THRAP3: variants seen among roughly 807,000 people sequenced by gnomAD.
THRAP3 encodes thyroid hormone receptor-associated protein 3.
A neutral mutation model predicts 101.0 loss-of-function variants in THRAP3; 16 were observed. The ratio of observed to expected loss-of-function variants is 0.16; its 90% CI spans 0.11 to 0.24. The LOEUF (loss-of-function observed/expected upper bound fraction) is 0.24. Among genes scored for constraint, THRAP3 ranks in the 10% least tolerant of loss-of-function variants. The pLI is 1.00. For missense variants in THRAP3, 989 were observed against 1,202.7 expected, an observed-to-expected ratio of 0.82 and a Z score of 2.63; for synonymous variants, 407 against 422.6, an observed-to-expected ratio of 0.96 and a Z score of 0.45.
chr1:36,220,972 A>AAAAAATATATATATATATAT (rs1285765741), upstream of THRAP3, among the ~76,000 whole-genome samples: 1 of 94,146 alleles, frequency 1.1e-5, no homozygotes, highest in African/African-American at 4.7e-5. Flanking sequence ...AAAAAAAAAA[A>AAAAAATATATATATATATAT]ATATATATAT....
intron 1 of THRAP3, among the ~76,000 whole-genome samples, chr1:36,235,078 T>G (rs1043425321): frequency 6.6e-6 from 1 of 152,190 alleles, no homozygotes; most frequent in Admixed American, 6.5e-5. Context: ...CCTCCCAAAG[T>G]TCTGGGATTA....
At chr1:36,210,746 A>ATCATATATATATATCATATATATGAT in the THRAP3 span, among the ~76,000 whole-genome samples, 1 of 98,852 alleles carries the variant, frequency 1.0e-5, no homozygotes, top group African/African-American at 3.9e-5. Flanking sequence ...TCATATATAT[A>ATCATATATATATATCATATATATGAT]AAGTGTCAGC....
intron 2 of THRAP3, among the ~76,000 whole-genome samples, chr1:36,274,080 A>AGT (rs1480341700): frequency 0.12 from 264 of 2,136 alleles, no homozygotes; most frequent in African/African-American, 0.19. Context: ...TGTGTGTCAC[A>AGT]CACACACACA....
intron 3 of THRAP3, among the ~76,000 whole-genome samples, chr1:36,284,323 T>A (rs1351248177): frequency 2.0e-5 from 3 of 152,198 alleles, no homozygotes; most frequent in African/African-American, 7.2e-5. Flanking sequence ...TAGAGACACT[T>A]TACATGCTAT....
At chr1:36,242,586 G>A (rs1645175085) in intron 1 of THRAP3, among the ~76,000 whole-genome samples, 1 of 151,718 alleles carries the variant, frequency 6.6e-6, no homozygotes, top group Non-Finnish European at 1.5e-5. Context: ...CTAAGTAGCT[G>A]GGACTACAGG....
intron 1 of THRAP3, among the ~76,000 whole-genome samples, chr1:36,231,612 A>G (rs908881605): frequency 6.6e-5 from 10 of 151,702 alleles, no homozygotes. Context: ...TTTTGTGTGT[A>G]TGTGAGGTTA....
rs1645832051 is a variant in THRAP3 at position 36,289,155 on chromosome 1, C to G, written c.1136C>G (p.Ser379Cys). 9.9e-6 allele frequency: 16 copies of G among 1,613,530 alleles called. No homozygotes were observed. Among genetic ancestry groups the G allele is most frequent in the Non-Finnish European group, 1.3e-5 (15 of 1,179,984 alleles). Reference protein sequence around the residue: ...KEKIKEKGSFSDTGLGDGKMK... With the variant: ...KEKIKEKGSFCDTGLGDGKMK... ...AAAATAAAAGAGAAAGGGAGCTTCT[C>G]TGACACAGGCTTGGGTGATGGAAAA... Residue 379 changes from serine (S) to cysteine (C), a missense_variant, in exon 5 of 12, where the codon TCT (serine) becomes TGT (cysteine). By Grantham distance (112) the Ser-to-Cys change is moderately radical. Coordinates refer to ENST00000354618, the MANE Select transcript of THRAP3 (RefSeq NM_005119.4).
rs192919581 is a variant in THRAP3 at position 36,258,148 on chromosome 1, T to C, written c.-134-1234T>C. 2.8e-3 allele frequency among the ~76,000 whole-genome samples: 424 copies of C among 152,120 alleles called. 1 individual carries two copies. The highest frequency in any genetic ancestry group is 4.3e-3 in the Non-Finnish European group (290 of 67,956). On this transcript the variant is annotated intron_variant, in intron 1 of 11. Transcript: ENST00000354618. ...GCCACCACGCCCGGCTTGGAATAGGTTGTTTTTTAAATTCAACATGTTACA... is the reference window on the plus strand; with the variant it reads ...GCCACCACGCCCGGCTTGGAATAGGCTGTTTTTTAAATTCAACATGTTACA...
chr1:36,232,988 C>T (rs555316514), intron 1 of THRAP3, among the ~76,000 whole-genome samples: 50 of 151,026 alleles, frequency 3.3e-4, no homozygotes, highest in Non-Finnish European at 6.8e-4. Context: ...ACTGCCTGAG[C>T]CTCCTGAGAA....
intron 1 of THRAP3, among the ~76,000 whole-genome samples, chr1:36,256,851 A>G (rs915305923): frequency 5.9e-5 from 9 of 151,862 alleles, no homozygotes; most frequent in Non-Finnish European, 1.2e-4. Context: ...GCTGGAGTGC[A>G]GTGGTGCGAT....
chr1:36,208,264 T>A, the THRAP3 span, among the ~76,000 whole-genome samples: 1 of 152,060 alleles, frequency 6.6e-6, no homozygotes, highest in Admixed American at 6.6e-5. Flanking sequence ...TGTTAATGGC[T>A]GAGTGCCTGG....
rs191546255 is a variant in THRAP3 at position 36,278,795 on chromosome 1, C to T, written c.-31-3738C>T. On this transcript the variant is annotated intron_variant, in intron 2 of 11. Coordinates refer to ENST00000354618, the MANE Select transcript of THRAP3 (RefSeq NM_005119.4). The stretch of plus-strand genomic sequence containing the variant: ...AAAATTAGCTGGGCATGGTGGTGGG[C>T]GCCTGTAATTCCAGCTACTTGGGAA... 1.0e-3 allele frequency among the ~76,000 whole-genome samples: 156 copies of T among 151,884 alleles called. 2 individuals are homozygous for T. Among genetic ancestry groups the T allele is most frequent in the African/African-American group, 3.6e-3 (148 of 41,434 alleles).
intron 1 of THRAP3, among the ~76,000 whole-genome samples, chr1:36,258,811 A>T (rs1272451709): frequency 1.3e-5 from 2 of 152,350 alleles, no homozygotes; most frequent in East Asian, 3.9e-4. Context: ...ATAAGGCAGG[A>T]GTGAGGACAT....
At chr1:36,290,840 G>T (rs1476836436) in intron 5 of THRAP3, among the ~76,000 whole-genome samples, 1 of 152,202 alleles carries the variant, frequency 6.6e-6, no homozygotes, top group Non-Finnish European at 1.5e-5. Context: ...GGGAGGCCAA[G>T]GCTGACTGGT....
At chr1:36,245,710 C>G (rs1645222257) in intron 1 of THRAP3, among the ~76,000 whole-genome samples, 1 of 152,162 alleles carries the variant, frequency 6.6e-6, no homozygotes, top group Non-Finnish European at 1.5e-5. Context: ...GCATTTGAGG[C>G]TAGCTATGTT....
chr1:36,266,518 A>G (rs1455597935), intron 2 of THRAP3, among the ~76,000 whole-genome samples: 3 of 152,080 alleles, frequency 2.0e-5, no homozygotes, highest in Non-Finnish European at 4.4e-5. Context: ...AAAGTAAATG[A>G]TGGAAGGAGT....
At chr1:36,246,743 G>A (rs1423010183) in intron 1 of THRAP3, among the ~76,000 whole-genome samples, 6 of 152,040 alleles carry the variant, frequency 3.9e-5, no homozygotes, top group Admixed American at 3.3e-4. Flanking sequence ...TCGGGAGGCT[G>A]AGGCAGGAGA....
intron 1 of THRAP3, among the ~76,000 whole-genome samples, chr1:36,254,910 A>AT: frequency 6.6e-6 from 1 of 152,306 alleles, no homozygotes; most frequent in East Asian, 1.9e-4. Context: ...CTCTGTATAC[A>AT]TGACTTATTT....
chr1:36,224,641 C>T (rs1644938786), intron 1 of THRAP3, 136 bp downstream of exon 1: 1 of 152,618 alleles, frequency 6.6e-6, no homozygotes, highest in African/African-American at 2.4e-5. Context: ...AGCTTACACC[C>T]TGGCCTCTTC....
Sources: allele counts gnomAD v4.1 joint callset (sites outside exome capture counted in the v4.1 genomes callset), GRCh38; gene constraint gnomAD v4.1.1; transcripts MANE v1.5; gene names NCBI Gene and HGNC (gene_info 2026-07-23, HGNC 2026-07-21).